The following CFAP299 variants were observed in gnomAD, a reference collection of about 807,000 sequenced individuals.
The protein encoded by CFAP299 is cilia and flagella associated protein 299.
CFAP299 carries 21 observed loss-of-function variants against 27.0 expected under a neutral mutation model. The observed-to-expected ratio is 0.78, with a 90% CI of 0.55 to 1.12. The LOEUF is 1.12. Ranked by LOEUF, CFAP299 falls within the 50% of genes most tolerant of loss-of-function variation. CFAP299 has a pLI of 0.00. For missense variants in CFAP299, 310 were observed against 276.6 expected (o/e 1.12, Z -0.86); for synonymous variants, 104 against 98.1 (o/e 1.06, Z -0.36).
At chr4:80,522,776 T>G (rs1309156663) in intron 2 of CFAP299, among the ~76,000 whole-genome samples, 1 of 152,184 alleles carries the variant, frequency 6.6e-6, no homozygotes, top group African/African-American at 2.4e-5. Flanking sequence ...TTGTGTAGCC[T>G]TGGCAATCTT....
intron 3 of CFAP299, among the ~76,000 whole-genome samples, chr4:80,753,150 T>A (rs534073990): frequency 7.2e-5 from 11 of 152,146 alleles, no homozygotes; most frequent in African/African-American, 2.6e-4. Context: ...TTAAGAACTT[T>A]TAAAAATATT....
intron 3 of CFAP299, among the ~76,000 whole-genome samples, chr4:80,656,931 G>A (rs1011571323): frequency 6.6e-6 from 1 of 152,154 alleles, no homozygotes; most frequent in Admixed American, 6.5e-5. Flanking sequence ...ACTAGTGTGA[G>A]ATGGTATCTC....
intron 1 of CFAP299, among the ~76,000 whole-genome samples, chr4:80,356,393 G>A (rs1471947072): frequency 3.9e-5 from 6 of 152,010 alleles, no homozygotes; most frequent in African/African-American, 1.4e-4. Flanking sequence ...TAGTTTAATG[G>A]GAATAGCATT....
At chr4:80,844,655 C>T (rs1731067916) in intron 3 of CFAP299, among the ~76,000 whole-genome samples, 1 of 152,018 alleles carries the variant, frequency 6.6e-6, no homozygotes, top group South Asian at 2.1e-4. Flanking sequence ...TGGATATTAG[C>T]CCTTTGTCAG....
chr4:80,569,515 CA>C (rs1214883683), intron 2 of CFAP299, among the ~76,000 whole-genome samples: 1 of 151,504 alleles, frequency 6.6e-6, no homozygotes, highest in African/African-American at 2.4e-5. Flanking sequence ...TTGTAATTCA[CA>C]ACAAAGATAA....
chr4:80,947,265 G>C (rs1488551273), intron 5 of CFAP299, among the ~76,000 whole-genome samples: 1 of 152,232 alleles, frequency 6.6e-6, no homozygotes, highest in African/African-American at 2.4e-5. Flanking sequence ...TTAATGAGTG[G>C]TAAGAGTAAG....
At chr4:80,765,814 T>A (rs1173404442) in intron 3 of CFAP299, among the ~76,000 whole-genome samples, 1 of 152,034 alleles carries the variant, frequency 6.6e-6, no homozygotes, top group Non-Finnish European at 1.5e-5. Flanking sequence ...TAAATAACAT[T>A]AAACAAACTA....
the CFAP299 span, among the ~76,000 whole-genome samples, chr4:80,322,862 G>T: frequency 6.6e-6 from 1 of 152,196 alleles, no homozygotes; most frequent in Non-Finnish European, 1.5e-5. Context: ...TGTGGGTGAA[G>T]TTGATCCTGC....
intron 3 of CFAP299, among the ~76,000 whole-genome samples, chr4:80,773,968 T>G (rs1333115469): frequency 6.6e-6 from 1 of 152,000 alleles, no homozygotes; most frequent in Non-Finnish European, 1.5e-5. Context: ...GGTTTATACA[T>G]CAGATGTAGT....
chr4:80,470,853 AAT>A (rs1729958945), intron 2 of CFAP299, among the ~76,000 whole-genome samples: 1 of 152,134 alleles, frequency 6.6e-6, no homozygotes, highest in Non-Finnish European at 1.5e-5. Context: ...ATTAATTACA[AAT>A]ATGTTTATTT....
At chr4:80,329,230 T>TATAC in the CFAP299 span, among the ~76,000 whole-genome samples, 1 of 148,600 alleles carries the variant, frequency 6.7e-6, no homozygotes, top group Middle Eastern at 3.5e-3. Context: ...TATATATATA[T>TATAC]GTTATCATTG....
chr4:80,833,328 T>C (rs923635254), intron 3 of CFAP299, among the ~76,000 whole-genome samples: 12 of 152,158 alleles, frequency 7.9e-5, no homozygotes, highest in Admixed American at 3.3e-4. Flanking sequence ...AGTTGTTTAT[T>C]TGGGAACCGA....
At chr4:80,332,673 G>A (rs1721983383), upstream of CFAP299, among the ~76,000 whole-genome samples, 1 of 152,020 alleles carries the variant, frequency 6.6e-6, no homozygotes. Flanking sequence ...GGAGAGAGGA[G>A]AAAGTGGAAA....
chr4:80,932,461 A>G (rs1736669849), intron 4 of CFAP299, among the ~76,000 whole-genome samples: 1 of 152,168 alleles, frequency 6.6e-6, no homozygotes, highest in Non-Finnish European at 1.5e-5. Flanking sequence ...GGAATATAAC[A>G]TTTCAAAAAA....
Position 80,390,495 on chromosome 4 carries a change from A to C in CFAP299, c.242+27611A>C, listed in dbSNP as rs542885695. Among the ~76,000 whole-genome samples, 51 of 147,834 alleles carry C rather than the reference A, an allele frequency of 3.4e-4. 1 individual carries two copies. The highest frequency in any genetic ancestry group is 1.3e-3 in the Admixed American group (19 of 14,544). ...AATTCTCTCCTCTCTCTCTCTCTAT[A>C]TATATGTATATATACACACATATAT... On this transcript the variant is annotated intron_variant, in intron 2 of 5. Transcript: ENST00000358105.
At chr4:80,907,048 G>C (rs1389752520) in intron 4 of CFAP299, among the ~76,000 whole-genome samples, 1 of 151,986 alleles carries the variant, frequency 6.6e-6, no homozygotes, top group African/African-American at 2.4e-5. Context: ...GCTTCCTCTT[G>C]AACACTTTGC....
chr4:80,650,277 T>G (rs1343981080), intron 3 of CFAP299, among the ~76,000 whole-genome samples: 2 of 151,952 alleles, frequency 1.3e-5, no homozygotes, highest in African/African-American at 4.8e-5. Flanking sequence ...ATTAAAAATA[T>G]TTTTATCCTA....
intron 3 of CFAP299, among the ~76,000 whole-genome samples, chr4:80,756,079 G>A (rs1418379445): frequency 6.6e-6 from 1 of 151,940 alleles, no homozygotes; most frequent in African/African-American, 2.4e-5. Context: ...TTACATTTTA[G>A]GTAGTTTTAA....
At chr4:80,684,439 A>AT (rs1347915893) in intron 3 of CFAP299, among the ~76,000 whole-genome samples, 1 of 151,808 alleles carries the variant, frequency 6.6e-6, no homozygotes, top group East Asian at 1.9e-4. Flanking sequence ...AATTTTTTGT[A>AT]TTTTTTTAGT....
Sources: allele counts gnomAD v4.1 joint callset (sites outside exome capture counted in the v4.1 genomes callset), GRCh38; gene constraint gnomAD v4.1.1; transcripts MANE v1.5; gene names NCBI Gene and HGNC (gene_info 2026-07-23, HGNC 2026-07-21).